Variants in NMNAT2 observed in about 807,000 individuals in gnomAD.
NMNAT2 encodes the protein nicotinamide/nicotinic acid mononucleotide adenylyltransferase 2.
In NMNAT2, 11 loss-of-function variants were observed where a neutral mutation model predicts 41.6. That is an observed-to-expected ratio of 0.26 (90% CI 0.17 to 0.44). The LOEUF (loss-of-function observed/expected upper bound fraction) is 0.44, where lower values mean the gene tolerates loss of function less well. NMNAT2 is among the 20% of genes least tolerant of loss of function. The pLI is 1.00. For synonymous variants in NMNAT2, 148 were observed against 151.2 expected, an observed-to-expected ratio of 0.98 and a Z score of 0.16; for missense variants, 288 against 407.7, an observed-to-expected ratio of 0.71 and a Z score of 2.53.
At chr1:183,323,448 C>T (rs1246678379) in intron 1 of NMNAT2, among the ~76,000 whole-genome samples, 1 of 152,168 alleles carries the variant, frequency 6.6e-6, no homozygotes, top group Admixed American at 6.5e-5. Flanking sequence ...TTCAAGTGAC[C>T]CTATGTCTTG....
chr1:183,407,721 G>A (rs1269537394), intron 1 of NMNAT2, among the ~76,000 whole-genome samples: 1 of 152,162 alleles, frequency 6.6e-6, no homozygotes, highest in Non-Finnish European at 1.5e-5. Context: ...AACGTTCAGA[G>A]GGAAGTGAGA....
intron 1 of NMNAT2, among the ~76,000 whole-genome samples, chr1:183,359,214 G>A (rs1488435262): frequency 6.6e-6 from 1 of 152,088 alleles, no homozygotes; most frequent in Non-Finnish European, 1.5e-5. Context: ...GCTAGGGCAT[G>A]TCCCAGTCCC....
intron 1 of NMNAT2, among the ~76,000 whole-genome samples, chr1:183,329,125 G>A (rs1350515656): frequency 6.6e-6 from 1 of 152,146 alleles, no homozygotes; most frequent in African/African-American, 2.4e-5. Context: ...TAGCCTCCCT[G>A]AAGCCCATTT....
At chr1:183,264,282 G>T (rs1660746873) in intron 8 of NMNAT2, among the ~76,000 whole-genome samples, 1 of 152,020 alleles carries the variant, frequency 6.6e-6, no homozygotes, top group Non-Finnish European at 1.5e-5. Context: ...CGCCCTGTGG[G>T]TGACATCAGT....
chr1:183,306,668 A>G (rs1011627337), intron 1 of NMNAT2, among the ~76,000 whole-genome samples: 4 of 152,354 alleles, frequency 2.6e-5, no homozygotes, highest in African/African-American at 9.6e-5. Flanking sequence ...ACTTTTCTCT[A>G]AGAAACCTGA....
intron 1 of NMNAT2, among the ~76,000 whole-genome samples, chr1:183,341,724 C>CAAAAAAA (rs1557883660): frequency 0.012 from 185 of 15,842 alleles, 11 homozygotes; most frequent in African/African-American, 0.035. Flanking sequence ...CAAACAAACA[C>CAAAAAAA]CAAAAAAAAA....
At chr1:183,395,064 C>T (rs917063497) in intron 1 of NMNAT2, among the ~76,000 whole-genome samples, 2 of 152,018 alleles carry the variant, frequency 1.3e-5, no homozygotes, top group Non-Finnish European at 2.9e-5. Context: ...GCATACTGGC[C>T]CAGGAAAGAT....
intron 1 of NMNAT2, among the ~76,000 whole-genome samples, chr1:183,307,376 G>A (rs1383706905): frequency 6.7e-6 from 1 of 149,656 alleles, no homozygotes; most frequent in South Asian, 2.1e-4. Context: ...GTGTGATCTC[G>A]GCTCACTGCA....
rs79298566 is a variant in NMNAT2 at position 183,282,023 on chromosome 1, G to A, written c.574+1972C>T. On this transcript the variant is annotated intron_variant, in intron 7 of 10. Coordinates refer to ENST00000287713, the MANE Select transcript of NMNAT2 (RefSeq NM_015039.4). ...CAGGAATCCGGGCTATGTGAAGCCC[G>A]GGCCCTGCAGCCCATCCCAGTTTCC... 5.2e-3 allele frequency among the ~76,000 whole-genome samples: 797 copies of A among 152,290 alleles called. 12 individuals are homozygous for A. The highest frequency in any genetic ancestry group is 0.019 in the African/African-American group (774 of 41,560).
At chr1:183,417,677 C>G (rs1271136873) in intron 1 of NMNAT2, among the ~76,000 whole-genome samples, 1 of 152,204 alleles carries the variant, frequency 6.6e-6, no homozygotes, top group Admixed American at 6.5e-5. Flanking sequence ...AATCTTGAAG[C>G]CCCAGCCCCT....
intron 1 of NMNAT2, among the ~76,000 whole-genome samples, chr1:183,345,049 C>T (rs1358135895): frequency 6.6e-6 from 1 of 152,180 alleles, no homozygotes; most frequent in Admixed American, 6.5e-5. Context: ...CTCATTCCAC[C>T]TGTTGTAAAT....
chr1:183,400,397 C>T (rs1208006097), intron 1 of NMNAT2, among the ~76,000 whole-genome samples: 1 of 152,172 alleles, frequency 6.6e-6, no homozygotes, highest in African/African-American at 2.4e-5. Context: ...CAAACCACTG[C>T]TCAACGAAAT....
intron 1 of NMNAT2, among the ~76,000 whole-genome samples, chr1:183,360,308 G>A (rs1206391308): frequency 6.6e-6 from 1 of 152,002 alleles, no homozygotes; most frequent in Non-Finnish European, 1.5e-5. Flanking sequence ...GGAAAACTTA[G>A]ACTGGGCAAG....
At chr1:183,372,404 G>A (rs1431120212) in intron 1 of NMNAT2, among the ~76,000 whole-genome samples, 1 of 152,278 alleles carries the variant, frequency 6.6e-6, no homozygotes. Context: ...AGCAAAGCCA[G>A]AGAGTAGAGA....
At chr1:183,281,936 C>G (rs1661281803) in intron 7 of NMNAT2, among the ~76,000 whole-genome samples, 1 of 152,244 alleles carries the variant, frequency 6.6e-6, no homozygotes, top group African/African-American at 2.4e-5. Context: ...GCCTCCTTCC[C>G]CAGGTCACGC....
intron 1 of NMNAT2, among the ~76,000 whole-genome samples, chr1:183,310,556 A>G (rs1268295634): frequency 1.3e-5 from 2 of 152,210 alleles, no homozygotes; most frequent in African/African-American, 4.8e-5. Flanking sequence ...AATCATTTTC[A>G]ACCAGGGTTG....
intron 8 of NMNAT2, among the ~76,000 whole-genome samples, chr1:183,275,873 C>T (rs906971496): frequency 1.3e-5 from 2 of 152,082 alleles, no homozygotes; most frequent in Non-Finnish European, 2.9e-5. Context: ...AGGGTTTCAC[C>T]GTGTTAGCCA....
At chr1:183,378,664 T>C (rs1444524175) in intron 1 of NMNAT2, among the ~76,000 whole-genome samples, 3 of 151,864 alleles carry the variant, frequency 2.0e-5, no homozygotes, top group Non-Finnish European at 2.9e-5. Flanking sequence ...CTAGAACAAA[T>C]AGAAATCATT....
chr1:183,290,920 T>C (rs901874620), intron 3 of NMNAT2, among the ~76,000 whole-genome samples: 1 of 152,114 alleles, frequency 6.6e-6, no homozygotes, highest in Non-Finnish European at 1.5e-5. Context: ...AATTGCCAAC[T>C]TAATGATTTT....
Sources: gnomAD v4.1 joint callset for allele counts (sites outside exome capture counted in the v4.1 genomes callset) on GRCh38, gnomAD v4.1.1 for gene constraint, MANE v1.5 for transcripts, NCBI Gene and HGNC (gene_info 2026-07-23, HGNC 2026-07-21) for gene names.